The following TP63 variants were observed in gnomAD, a reference collection of about 807,000 sequenced individuals.
TP63 encodes the protein tumor protein 63.
Under a neutral mutation model 82.8 loss-of-function variants are expected in TP63, and 17 were observed. The observed-to-expected ratio is 0.21, with a 90% CI of 0.14 to 0.31. The LOEUF is 0.31. Among genes scored for constraint, TP63 ranks in the 10% least tolerant of loss-of-function variants. The probability of loss-of-function intolerance (pLI) is 1.00; values close to 1 mark genes in which losing one functional copy is unlikely to be tolerated. For missense variants in TP63, 648 were observed against 895.3 expected (o/e 0.72, Z 3.52); for synonymous variants, 330 against 321.7 (o/e 1.03, Z -0.28).
the TP63 span, among the ~76,000 whole-genome samples, chr3:189,614,429 A>C: frequency 6.8e-4 from 104 of 152,206 alleles, no homozygotes; most frequent in African/African-American, 2.4e-3. Flanking sequence ...TCCTTTTGTA[A>C]ATTGCCTAGT....
chr3:189,714,557 G>A (rs1718820848), intron 1 of TP63, among the ~76,000 whole-genome samples: 1 of 152,160 alleles, frequency 6.6e-6, no homozygotes, highest in Non-Finnish European at 1.5e-5. Flanking sequence ...TAATGTTTGA[G>A]TGACTTGGTT....
At chr3:189,717,171 A>C (rs1469002271) in intron 1 of TP63, among the ~76,000 whole-genome samples, 1 of 152,132 alleles carries the variant, frequency 6.6e-6, no homozygotes, top group Non-Finnish European at 1.5e-5. Flanking sequence ...TATACGAACT[A>C]AACAAATATG....
intron 1 of TP63, among the ~76,000 whole-genome samples, chr3:189,652,880 A>T (rs1713015467): frequency 6.8e-6 from 1 of 146,760 alleles, no homozygotes; most frequent in Admixed American, 6.7e-5. Flanking sequence ...CCATGTGAAG[A>T]AAGATATGTT....
the TP63 span, among the ~76,000 whole-genome samples, chr3:189,623,375 T>C: frequency 1.3e-5 from 2 of 152,216 alleles, no homozygotes; most frequent in African/African-American, 2.4e-5. Flanking sequence ...TCATGAATAC[T>C]GTAAACATAT....
intron 3 of TP63, among the ~76,000 whole-genome samples, chr3:189,806,202 T>C (rs1264063551): frequency 1.3e-5 from 2 of 151,520 alleles, no homozygotes; most frequent in Non-Finnish European, 2.9e-5. Context: ...AAGGGGCCCA[T>C]GCGTCTTTGT....
At chr3:189,854,292 G>A (rs924106447) in intron 4 of TP63, among the ~76,000 whole-genome samples, 1 of 152,130 alleles carries the variant, frequency 6.6e-6, no homozygotes, top group African/African-American at 2.4e-5. Context: ...GTGCAATGGC[G>A]CAATCTCAGC....
At chr3:189,784,982 G>A (rs1724487960) in intron 3 of TP63, among the ~76,000 whole-genome samples, 1 of 152,016 alleles carries the variant, frequency 6.6e-6, no homozygotes, top group Non-Finnish European at 1.5e-5. Context: ...GATCTCATTG[G>A]TTTTGTTCTG....
chr3:189,603,995 T>C, the TP63 span, among the ~76,000 whole-genome samples: 5 of 152,106 alleles, frequency 3.3e-5, no homozygotes, highest in Non-Finnish European at 5.9e-5. Flanking sequence ...AATCTGCTAA[T>C]GAATAAATGG....
chr3:189,805,869 A>C (rs1726829097), intron 3 of TP63, among the ~76,000 whole-genome samples: 1 of 152,102 alleles, frequency 6.6e-6, no homozygotes. Flanking sequence ...CTCAAGGCCA[A>C]AAACCCTGGC....
At chr3:189,824,041 C>T (rs144838238) in intron 4 of TP63, among the ~76,000 whole-genome samples, 19 of 152,166 alleles carry the variant, frequency 1.2e-4, no homozygotes, top group African/African-American at 4.6e-4. Flanking sequence ...CCCCCCAAAC[C>T]TTGATCGTTT....
At chr3:189,755,065 C>A (rs190176178) in intron 3 of TP63, among the ~76,000 whole-genome samples, 2 of 152,032 alleles carry the variant, frequency 1.3e-5, no homozygotes, top group Non-Finnish European at 2.9e-5. Context: ...AATTTAGGTG[C>A]GACCTTTACA....
chr3:189,875,836 A>T (rs1719150201), intron 10 of TP63, among the ~76,000 whole-genome samples: 1 of 70,342 alleles, frequency 1.4e-5, no homozygotes, highest in African/African-American at 6.3e-5. Flanking sequence ...AGTATCTAAT[A>T]AAAAGCAACA....
rs146472900 is a variant in TP63, at chr3:189,856,860, G to A, written c.580-7372G>A. ...ACACTGAAAACTATAAAACATTTCTGAGTAAAATTAAAGATACTCTGTTTA... is the reference window on the plus strand; with the variant it reads ...ACACTGAAAACTATAAAACATTTCTAAGTAAAATTAAAGATACTCTGTTTA... On this transcript the variant is annotated intron_variant, in intron 4 of 13. Coordinates refer to ENST00000264731, the MANE Select transcript of TP63 (RefSeq NM_003722.5). 7.2e-5 allele frequency among the ~76,000 whole-genome samples: 11 copies of A among 152,086 alleles called. No individual in the cohort carries two copies. The East Asian group carries it at 1.4e-3, about 19-fold the overall frequency.
the TP63 span, among the ~76,000 whole-genome samples, chr3:189,605,371 G>A: frequency 6.6e-6 from 1 of 152,154 alleles, no homozygotes; most frequent in Non-Finnish European, 1.5e-5. Flanking sequence ...TGGAGAAGAG[G>A]CAAGAATATC....
chr3:189,695,702 CT>C (rs1241723702), intron 1 of TP63, among the ~76,000 whole-genome samples: 1 of 152,142 alleles, frequency 6.6e-6, no homozygotes, highest in South Asian at 2.1e-4. Flanking sequence ...GCCTTTTTGC[CT>C]TGTTTTTCTG....
intron 3 of TP63, among the ~76,000 whole-genome samples, chr3:189,774,202 G>T (rs542888989): frequency 6.6e-6 from 1 of 152,210 alleles, no homozygotes; most frequent in East Asian, 1.9e-4. Context: ...GATTACAGGC[G>T]TGAGCCACCA....
chr3:189,634,282 G>T (rs1729632849), intron 1 of TP63, among the ~76,000 whole-genome samples: 1 of 151,842 alleles, frequency 6.6e-6, no homozygotes, highest in Admixed American at 6.6e-5. Flanking sequence ...ATTTTTTAAA[G>T]AAAGAACAGG....
At chr3:189,783,652 G>A (rs1724389664) in intron 3 of TP63, among the ~76,000 whole-genome samples, 1 of 151,776 alleles carries the variant, frequency 6.6e-6, no homozygotes, top group African/African-American at 2.4e-5. Flanking sequence ...AACAGAGCAG[G>A]GATTGGGAGT....
chr3:189,670,966 G>T lies in TP63; in HGVS notation c.62+39389G>T, dbSNP rs1261077804. 2.0e-5 allele frequency among the ~76,000 whole-genome samples: 3 copies of T among 152,028 alleles called. No homozygotes were observed. In the East Asian group the frequency reaches 5.8e-4, roughly 29 times the overall value. On this transcript the variant is annotated intron_variant, in intron 1 of 13. Coordinates refer to ENST00000264731, the MANE Select transcript of TP63 (RefSeq NM_003722.5). ...ACATGATAAATGCTTTAGGACATTG[G>T]TCTAGGCAAAGATTTCATAGGTGAG...
Sources: allele counts gnomAD v4.1 joint callset (sites outside exome capture counted in the v4.1 genomes callset), GRCh38; gene constraint gnomAD v4.1.1; transcripts MANE v1.5; gene names NCBI Gene and HGNC (gene_info 2026-07-23, HGNC 2026-07-21).